ADAMTS6: variants seen among roughly 807,000 people sequenced by gnomAD.
ADAMTS6 encodes A disintegrin and metalloproteinase with thrombospondin motifs 6.
ADAMTS6 carries 23 observed loss-of-function variants against 144.3 expected under a neutral mutation model. The ratio of observed to expected loss-of-function variants is 0.16; its 90% CI spans 0.11 to 0.23. The LOEUF (loss-of-function observed/expected upper bound fraction) is 0.23. ADAMTS6 is among the 10% of genes least tolerant of loss of function. ADAMTS6 has a pLI of 1.00. For synonymous variants in ADAMTS6, 444 were observed against 457.5 expected (o/e 0.97, Z 0.38); for missense variants, 999 against 1,379.6 (o/e 0.72, Z 4.37).
chr5:65,190,251 A>T lies in ADAMTS6; in HGVS notation c.2706-2031T>A, dbSNP rs532102967. ...AGAATGATGATTTAATTTTGAATTT[A>T]AAAAATCTGACACAAACATTTTTTC... On this transcript the variant is annotated intron_variant, in intron 21 of 24. Coordinates refer to ENST00000381055, the MANE Select transcript of ADAMTS6 (RefSeq NM_197941.4). 1.5e-3 allele frequency among the ~76,000 whole-genome samples: 236 copies of T among 152,348 alleles called. No individual in the cohort carries two copies. In the Middle Eastern group the frequency reaches 0.02, roughly 13 times the overall value.
chr5:65,215,055 C>T (rs995492397), intron 19 of ADAMTS6, 123 bp from the exon 20 acceptor site: 3 of 1,268,008 alleles, frequency 2.4e-6, no homozygotes, highest in Non-Finnish European at 3.2e-6. Flanking sequence ...ATATAAAACA[C>T]ATGCATTTAT....
intron 7 of ADAMTS6, among the ~76,000 whole-genome samples, chr5:65,441,593 A>C (rs1454690740): frequency 6.6e-6 from 1 of 152,120 alleles, no homozygotes. Context: ...ATATATAGAA[A>C]ATTCGATCCA....
At chr5:65,461,476 T>C (rs1052865299) in intron 3 of ADAMTS6, among the ~76,000 whole-genome samples, 2 of 152,244 alleles carry the variant, frequency 1.3e-5, no homozygotes, top group Non-Finnish European at 2.9e-5. Context: ...GTTATCTACA[T>C]CTGAAATAAG....
intron 9 of ADAMTS6, among the ~76,000 whole-genome samples, chr5:65,321,049 C>T (rs1481684150): frequency 6.6e-6 from 1 of 152,134 alleles, no homozygotes; most frequent in African/African-American, 2.4e-5. Flanking sequence ...GATTTATATT[C>T]CTTTGGGTAT....
At chr5:65,443,622 C>CA (rs59240974) in intron 7 of ADAMTS6, among the ~76,000 whole-genome samples, 2,552 of 69,036 alleles carry the variant, frequency 0.037, 295 homozygotes, top group Non-Finnish European at 0.05. Flanking sequence ...GACCCTGTCT[C>CA]AAAAAAAAAA....
At chr5:65,327,870 A>G (rs984567768) in intron 9 of ADAMTS6, among the ~76,000 whole-genome samples, 2 of 152,198 alleles carry the variant, frequency 1.3e-5, no homozygotes, top group African/African-American at 2.4e-5. Flanking sequence ...CACAGTGTTC[A>G]CCCACTGTAT....
intron 7 of ADAMTS6, among the ~76,000 whole-genome samples, chr5:65,435,490 A>G (rs562065505): frequency 1.3e-5 from 2 of 152,296 alleles, no homozygotes; most frequent in Admixed American, 6.5e-5. Flanking sequence ...TAATAATACT[A>G]TAAGAATGTT....
intron 14 of ADAMTS6, among the ~76,000 whole-genome samples, chr5:65,252,493 G>C (rs2112548946): frequency 6.6e-6 from 1 of 151,538 alleles, no homozygotes; most frequent in South Asian, 2.1e-4. Context: ...CACCTGCCTT[G>C]GCCTCCCAAA....
intron 7 of ADAMTS6, among the ~76,000 whole-genome samples, chr5:65,420,421 G>C (rs1755924195): frequency 6.6e-6 from 1 of 151,784 alleles, no homozygotes; most frequent in Non-Finnish European, 1.5e-5. Flanking sequence ...CACTCTTGTT[G>C]TCCAGGCTGG....
At chr5:65,206,042 T>C (rs1336052115) in intron 20 of ADAMTS6, among the ~76,000 whole-genome samples, 1 of 152,214 alleles carries the variant, frequency 6.6e-6, no homozygotes, top group Non-Finnish European at 1.5e-5. Flanking sequence ...TTTTCTCTTC[T>C]GAAATGAAAT....
At chr5:65,222,230 C>T (rs904051257) in intron 18 of ADAMTS6, among the ~76,000 whole-genome samples, 4 of 152,128 alleles carry the variant, frequency 2.6e-5, no homozygotes, top group South Asian at 4.2e-4. Flanking sequence ...CTGGGAAGCT[C>T]GATTACTCAA....
At chr5:65,479,263 C>A (rs1380153597) in intron 1 of ADAMTS6, among the ~76,000 whole-genome samples, 1 of 152,054 alleles carries the variant, frequency 6.6e-6, no homozygotes, top group African/African-American at 2.4e-5. Flanking sequence ...GCTAAGGACA[C>A]AATTAGGCTC....
intron 7 of ADAMTS6, among the ~76,000 whole-genome samples, chr5:65,355,940 A>G (rs1432049357): frequency 6.6e-6 from 1 of 151,862 alleles, no homozygotes; most frequent in Non-Finnish European, 1.5e-5. Flanking sequence ...TATTTTTAAA[A>G]TTGTTTCCTG....
At chr5:65,306,691 GCAC>G (rs1034724408) in intron 9 of ADAMTS6, among the ~76,000 whole-genome samples, 22 of 152,122 alleles carry the variant, frequency 1.4e-4, no homozygotes, top group African/African-American at 4.8e-4. Flanking sequence ...AATCCTATCT[GCAC>G]CACATCTTCA....
intron 7 of ADAMTS6, among the ~76,000 whole-genome samples, chr5:65,353,380 G>C (rs560033773): frequency 6.6e-6 from 1 of 152,080 alleles, no homozygotes; most frequent in South Asian, 2.1e-4. Context: ...TAGTAAACTT[G>C]GTGGGATTCA....
intron 1 of ADAMTS6, among the ~76,000 whole-genome samples, chr5:65,479,597 T>A (rs1280049658): frequency 6.6e-6 from 1 of 152,144 alleles, no homozygotes; most frequent in African/African-American, 2.4e-5. Flanking sequence ...CAACACATAT[T>A]CCAAATATGC....
At chr5:65,209,663 G>A (rs1756360407) in intron 20 of ADAMTS6, among the ~76,000 whole-genome samples, 1 of 152,152 alleles carries the variant, frequency 6.6e-6, no homozygotes, top group African/African-American at 2.4e-5. Flanking sequence ...CTCAATTAAA[G>A]CCCAAAGGTC....
chr5:65,185,622 A>C (rs1397638091), intron 22 of ADAMTS6, among the ~76,000 whole-genome samples: 1 of 152,162 alleles, frequency 6.6e-6, no homozygotes, highest in Non-Finnish European at 1.5e-5. Context: ...ATGCGATTAA[A>C]AGTGTCCTCA....
chr5:65,398,225 C>T (rs550152640), intron 7 of ADAMTS6, among the ~76,000 whole-genome samples: 56 of 152,292 alleles, frequency 3.7e-4, no homozygotes, highest in African/African-American at 1.3e-3. Flanking sequence ...TAGAGGGGTG[C>T]TGAAGTCTTC....
Sources: gnomAD v4.1 joint callset for allele counts (sites outside exome capture counted in the v4.1 genomes callset) on GRCh38, gnomAD v4.1.1 for gene constraint, MANE v1.5 for transcripts, NCBI Gene and HGNC (gene_info 2026-07-23, HGNC 2026-07-21) for gene names.